The following NAV2 variants were observed in gnomAD, a reference collection of about 807,000 sequenced individuals.
NAV2 encodes neuron navigator 2.
Under a neutral mutation model 223.2 loss-of-function variants are expected in NAV2, and 54 were observed. That is an observed-to-expected ratio of 0.24 (90% confidence interval 0.19 to 0.30). NAV2 has a LOEUF of 0.30. Ranked by LOEUF, NAV2 falls within the 10% of genes least tolerant of loss-of-function variation. NAV2 has a pLI of 1.00. For synonymous variants in NAV2, 1,279 were observed against 1,239.3 expected, an observed-to-expected ratio of 1.03 and a Z score of -0.67; for missense variants, 2,806 against 3,147.5, an observed-to-expected ratio of 0.89 and a Z score of 2.60.
chr11:19,420,203 G>C (rs1333878220), intron 1 of NAV2, among the ~76,000 whole-genome samples: 1 of 152,192 alleles, frequency 6.6e-6, no homozygotes, highest in Non-Finnish European at 1.5e-5. Context: ...CCTATGGGCT[G>C]TTGTGCAGTT....
chr11:20,115,626 C>CTT (rs2063011049), intron 37 of NAV2, among the ~76,000 whole-genome samples: 1 of 74,828 alleles, frequency 1.3e-5, no homozygotes, highest in African/African-American at 4.2e-5. Context: ...AGCAAGACTC[C>CTT]GTCTCAAAAA....
intron 1 of NAV2, among the ~76,000 whole-genome samples, chr11:19,706,978 A>T (rs2049683741): frequency 1.3e-5 from 2 of 152,216 alleles, no homozygotes; most frequent in South Asian, 4.1e-4. Context: ...TAATTACAAC[A>T]CAATGGTATT....
At chr11:19,822,851 C>G (rs545483999) in intron 1 of NAV2, among the ~76,000 whole-genome samples, 1 of 152,136 alleles carries the variant, frequency 6.6e-6, no homozygotes, top group African/African-American at 2.4e-5. Context: ...AATAGAGAAC[C>G]CATTCACATC....
intron 5 of NAV2, among the ~76,000 whole-genome samples, chr11:19,880,900 C>T (rs1029472744): frequency 6.6e-6 from 1 of 152,182 alleles, no homozygotes; most frequent in Non-Finnish European, 1.5e-5. Flanking sequence ...AGGTCAAGTT[C>T]TACAGAAAAG....
rs147421949 is a variant in NAV2 at position 19,466,226 on chromosome 11, A to G, written c.75+115199A>G. On this transcript the variant is annotated intron_variant, in intron 1 of 37. Transcript: ENST00000360655. ...GTGACAGGCCAAGGGAATGGGTTGG[A>G]TATTTCATTTGTCTGTATTGGTGGG... 4.1e-3 allele frequency among the ~76,000 whole-genome samples: 625 copies of G among 152,286 alleles called. 3 individuals are homozygous for G. The highest frequency in any genetic ancestry group is 8.1e-3 in the South Asian group (39 of 4,814).
chr11:19,987,372 A>T (rs1456065764), intron 11 of NAV2, among the ~76,000 whole-genome samples: 3 of 152,234 alleles, frequency 2.0e-5, no homozygotes, highest in African/African-American at 7.2e-5. Context: ...TCCTTTTTCC[A>T]TTCACACATA....
intron 1 of NAV2, among the ~76,000 whole-genome samples, chr11:19,563,467 C>T (rs1232880754): frequency 6.7e-6 from 1 of 148,300 alleles, no homozygotes; most frequent in Non-Finnish European, 1.5e-5. Context: ...TTGTCTGTAA[C>T]AACTGTAAAG....
chr11:20,035,875 G>T (rs138308099), intron 11 of NAV2, 84 bp from the exon 12 acceptor site: 5 of 1,525,478 alleles, frequency 3.3e-6, no homozygotes, highest in South Asian at 1.2e-5. Context: ...TCTTTTCGGG[G>T]ATGGTGTTTG....
intron 27 of NAV2, among the ~76,000 whole-genome samples, chr11:20,091,641 G>A (rs1248496066): frequency 6.6e-6 from 1 of 152,132 alleles, no homozygotes; most frequent in Non-Finnish European, 1.5e-5. Flanking sequence ...TAGCACCAAT[G>A]CCTTGCACAT....
At chr11:20,089,949 G>C (rs1031515941) in intron 26 of NAV2, among the ~76,000 whole-genome samples, 2 of 152,158 alleles carry the variant, frequency 1.3e-5, no homozygotes, top group African/African-American at 4.8e-5. Context: ...CTGTTGCAGA[G>C]TTTTCAGATA....
At chr11:19,521,102 G>A (rs2043639063) in intron 1 of NAV2, among the ~76,000 whole-genome samples, 1 of 152,212 alleles carries the variant, frequency 6.6e-6, no homozygotes, top group Non-Finnish European at 1.5e-5. Context: ...GGGGCGTGGT[G>A]ATGGGCCTTG....
chr11:19,644,080 GCA>G (rs151050783), intron 1 of NAV2, among the ~76,000 whole-genome samples: 4 of 151,252 alleles, frequency 2.6e-5, no homozygotes, highest in African/African-American at 9.7e-5. Context: ...GTGTGCATGT[GCA>G]CACACACACA....
intron 30 of NAV2, among the ~76,000 whole-genome samples, chr11:20,097,095 C>T (rs1054613962): frequency 5.9e-5 from 9 of 152,210 alleles, no homozygotes; most frequent in Non-Finnish European, 1.0e-4. Flanking sequence ...ATTAAACACA[C>T]GTTTTCCTTC....
At chr11:19,817,770 C>T (rs1045508119) in intron 1 of NAV2, among the ~76,000 whole-genome samples, 3 of 152,208 alleles carry the variant, frequency 2.0e-5, no homozygotes, top group Admixed American at 2.0e-4. Context: ...GGGTCACTCT[C>T]TTAATGGGGA....
intron 1 of NAV2, among the ~76,000 whole-genome samples, chr11:19,445,091 A>T (rs1243678477): frequency 6.6e-6 from 1 of 152,156 alleles, no homozygotes; most frequent in African/African-American, 2.4e-5. Flanking sequence ...CACTGGGTGA[A>T]TGGGAGGTGG....
chr11:19,382,800 AT>A (rs1157019287), intron 1 of NAV2, among the ~76,000 whole-genome samples: 1 of 152,204 alleles, frequency 6.6e-6, no homozygotes, highest in Non-Finnish European at 1.5e-5. Context: ...GTACAGAGAG[AT>A]TAAGTGGCTT....
chr11:19,772,954 G>T (rs2055837705), intron 1 of NAV2, among the ~76,000 whole-genome samples: 1 of 152,206 alleles, frequency 6.6e-6, no homozygotes, highest in Admixed American at 6.5e-5. Context: ...CAGAGGCTGG[G>T]CTTGCAGAAT....
At chr11:19,930,021 T>C (rs1023174415) in intron 6 of NAV2, among the ~76,000 whole-genome samples, 4 of 152,194 alleles carry the variant, frequency 2.6e-5, no homozygotes. Flanking sequence ...GTTTTCATGG[T>C]TTGTTTTGAG....
chr11:19,737,119 C>T (rs192872807), intron 1 of NAV2, among the ~76,000 whole-genome samples: 74 of 152,302 alleles, frequency 4.9e-4, no homozygotes, highest in Non-Finnish European at 6.2e-4. Flanking sequence ...CTGGTTGACA[C>T]CATAAGTGGA....
Sources: gnomAD v4.1 joint callset for allele counts (sites outside exome capture counted in the v4.1 genomes callset) on GRCh38, gnomAD v4.1.1 for gene constraint, MANE v1.5 for transcripts, NCBI Gene and HGNC (gene_info 2026-07-23, HGNC 2026-07-21) for gene names.